ATP9A: variants seen among roughly 807,000 people sequenced by gnomAD.
ATP9A encodes ATPase phospholipid transporting 9A, also known as probable phospholipid-transporting ATPase IIA.
ATP9A carries 52 observed loss-of-function variants against 144.1 expected under a neutral mutation model. The observed-to-expected ratio is 0.36, with a 90% confidence interval of 0.29 to 0.45. The LOEUF (loss-of-function observed/expected upper bound fraction) is 0.45. Among genes scored for constraint, ATP9A ranks in the 20% least tolerant of loss-of-function variants. The pLI, the probability that ATP9A is intolerant of heterozygous loss-of-function variation, is 1.00. For synonymous variants in ATP9A, 582 were observed against 557.4 expected (o/e 1.04, Z -0.62); for missense variants, 947 against 1,392.7 (o/e 0.68, Z 5.09).
chr20:51,645,209 A>T lies in ATP9A; in HGVS notation c.1507-5705T>A, dbSNP rs369839441. Among the ~76,000 whole-genome samples, 17 of 152,290 alleles carry T rather than the reference A, an allele frequency of 1.1e-4. 2 individuals are homozygous for T. Among genetic ancestry groups the T allele is most frequent in the East Asian group, 3.9e-4 (2 of 5,186 alleles). On this transcript the variant is annotated intron_variant, in intron 14 of 27. Transcript: ENST00000338821. ...TCTGTAGCCCTTCCCCACCCCTGGG[A>T]TCCACCATCCTAATCAAAACCTCTG...
chr20:51,689,247 G>A (rs2122815337), intron 8 of ATP9A, 108 bp from the exon 9 acceptor site: 1 of 1,123,404 alleles, frequency 8.9e-7, no homozygotes, highest in Non-Finnish European at 1.3e-6. Context: ...TCCCCCCGAT[G>A]AACCTGGAAG....
intron 9 of ATP9A, among the ~76,000 whole-genome samples, chr20:51,684,526 C>A (rs907180874): frequency 1.3e-5 from 2 of 150,102 alleles, no homozygotes; most frequent in African/African-American, 2.5e-5. Context: ...GAAACTCCAT[C>A]TCTACTAAAA....
intron 15 of ATP9A, among the ~76,000 whole-genome samples, chr20:51,633,172 C>T (rs62228302): frequency 0.43 from 65,615 of 151,952 alleles, 15,165 homozygotes; most frequent in East Asian, 0.68. Context: ...GAGAAACAGC[C>T]TAAGCAGCCA....
Position 51,768,286 on chromosome 20 carries a change from GC to G in ATP9A, c.68+15del. 1 of 1,275,894 alleles carries G rather than the reference GC, an allele frequency of 7.8e-7. No homozygotes were observed. The highest frequency in any genetic ancestry group is 1.0e-6 in the Non-Finnish European group (1 of 1,003,186). The allele number at this position is 1,275,894 out of a possible 1,614,324, so 79.0% of individuals were successfully genotyped here. A position where few individuals can be genotyped will look rare whatever the true frequency, so the allele number is the denominator to read the frequency against. Reference sequence around the variant, plus strand: ...GAGGCGCGGACAAAGGAAAACACGGGCCCAGGCCCACTCACCCGGCGCGGGG... The same window carrying G: ...GAGGCGCGGACAAAGGAAAACACGGGCCAGGCCCACTCACCCGGCGCGGGG... On this transcript the variant is annotated intron_variant, in intron 1 of 27. Coordinates refer to ENST00000338821, the MANE Select transcript of ATP9A (RefSeq NM_006045.3).
At chr20:51,666,880 T>C (rs2077435221) in intron 13 of ATP9A, among the ~76,000 whole-genome samples, 1 of 152,086 alleles carries the variant, frequency 6.6e-6, no homozygotes, top group Non-Finnish European at 1.5e-5. Context: ...ATGTAAATCA[T>C]CCCTCGATAA....
At chr20:51,619,579 G>C (rs1486572996) in intron 19 of ATP9A, among the ~76,000 whole-genome samples, 2 of 60,068 alleles carry the variant, frequency 3.3e-5, no homozygotes, top group South Asian at 4.3e-4. Flanking sequence ...AAAAAAAAGG[G>C]GGGGGGGGGC....
intron 7 of ATP9A, 103 bp from the exon 8 acceptor site, chr20:51,690,922 G>C: frequency 1.1e-6 from 1 of 899,044 alleles, no homozygotes; most frequent in Non-Finnish European, 1.8e-6. Flanking sequence ...CCCACACACA[G>C]CAAATGGCCC....
intron 27 of ATP9A, among the ~76,000 whole-genome samples, chr20:51,602,758 T>C (rs2077148093): frequency 6.6e-6 from 1 of 152,250 alleles, no homozygotes; most frequent in Non-Finnish European, 1.5e-5. Context: ...CGAGTTTCTC[T>C]GCCTTTTTGT....
chr20:51,735,840 T>G (rs1314036510), intron 1 of ATP9A, among the ~76,000 whole-genome samples: 1 of 152,196 alleles, frequency 6.6e-6, no homozygotes, highest in Non-Finnish European at 1.5e-5. Context: ...TTGTCACTCC[T>G]CCATTCCCAA....
intron 1 of ATP9A, among the ~76,000 whole-genome samples, chr20:51,758,715 A>T (rs1356647957): frequency 6.6e-6 from 1 of 152,158 alleles, no homozygotes; most frequent in African/African-American, 2.4e-5. Context: ...TCATGAGGTC[A>T]AGAGTTCGAG....
At position 51,674,492 on chromosome 20, in the gene ATP9A, C is replaced by A. The variant is rs138367615; in HGVS notation, c.877-179G>T. Among the ~76,000 whole-genome samples, 121 of 152,252 alleles carry A rather than the reference C, an allele frequency of 7.9e-4. 2 individuals are homozygous for A. The highest frequency in any genetic ancestry group is 2.4e-3 in the African/African-American group (99 of 41,536). On this transcript the variant is annotated intron_variant, in intron 10 of 27. Transcript: ENST00000338821. ...AGGTAGGACAGTGGGATCCATCGAT[C>A]CTCATATCTTTGGTCTAAGAACACT...
intron 1 of ATP9A, among the ~76,000 whole-genome samples, chr20:51,744,911 C>G (rs2077801086): frequency 6.6e-6 from 1 of 152,034 alleles, no homozygotes; most frequent in Non-Finnish European, 1.5e-5. Context: ...GGGAGAATCA[C>G]TTGAGGTCAG....
chr20:51,755,365 G>A (rs1281014303), intron 1 of ATP9A, among the ~76,000 whole-genome samples: 1 of 151,282 alleles, frequency 6.6e-6, no homozygotes, highest in Non-Finnish European at 1.5e-5. Context: ...AACCCAGGAG[G>A]CGGAGGTTGC....
chr20:51,739,789 T>C lies in ATP9A; in HGVS notation c.69-9811A>G, dbSNP rs971076025. Among the ~76,000 whole-genome samples, 6 of 152,278 alleles carry C rather than the reference T, an allele frequency of 3.9e-5. No homozygotes were observed. In the East Asian group the frequency reaches 1.2e-3, roughly 29 times the overall value. On this transcript the variant is annotated intron_variant, in intron 1 of 27. Transcript: ENST00000338821. The stretch of plus-strand genomic sequence containing the variant: ...ACAGTGAGACCCCTGGCTGGGATTT[T>C]GCTAGAAATACTTGGAAAGATGTGT...
chr20:51,745,498 G>A (rs1176012617), intron 1 of ATP9A, among the ~76,000 whole-genome samples: 1 of 151,692 alleles, frequency 6.6e-6, no homozygotes, highest in Admixed American at 6.6e-5. Flanking sequence ...ATAGCAGGGC[G>A]GGGGGATTTT....
intron 13 of ATP9A, among the ~76,000 whole-genome samples, chr20:51,667,595 G>C (rs772830365): frequency 6.6e-6 from 1 of 152,184 alleles, no homozygotes; most frequent in Non-Finnish European, 1.5e-5. Flanking sequence ...ACCAAGGCTA[G>C]ATCCCACTGC....
intron 5 of ATP9A, among the ~76,000 whole-genome samples, chr20:51,696,849 G>A (rs1453436795): frequency 6.6e-6 from 1 of 152,116 alleles, no homozygotes; most frequent in African/African-American, 2.4e-5. Flanking sequence ...CCTCTCCAGA[G>A]CCACCCCTCA....
At chr20:51,737,852 ATAAG>A (rs2077768869) in intron 1 of ATP9A, among the ~76,000 whole-genome samples, 1 of 152,232 alleles carries the variant, frequency 6.6e-6, no homozygotes, top group South Asian at 2.1e-4. Context: ...GGCAGGTAAA[ATAAG>A]TAAGCGAAAG....
intron 14 of ATP9A, among the ~76,000 whole-genome samples, chr20:51,640,177 TA>T (rs1038939992): frequency 6.6e-6 from 1 of 150,750 alleles, no homozygotes; most frequent in African/African-American, 2.4e-5. Flanking sequence ...AGCTAAACAA[TA>T]AAAAAAAGAA....
Sources: gnomAD v4.1 joint callset for allele counts (sites outside exome capture counted in the v4.1 genomes callset) on GRCh38, gnomAD v4.1.1 for gene constraint, MANE v1.5 for transcripts, NCBI Gene and HGNC (gene_info 2026-07-23, HGNC 2026-07-21) for gene names.